The following ZNF461 variants were observed in gnomAD, a reference collection of about 807,000 sequenced individuals.
ZNF461 encodes gonadotropin-inducible ovarian transcription factor-1.
Under a neutral mutation model 18.3 loss-of-function variants are expected in ZNF461, and 16 were observed. That is an observed-to-expected ratio of 0.88 (90% CI 0.59 to 1.33). The LOEUF (loss-of-function observed/expected upper bound fraction) is 1.33. ZNF461 is among the 40% of genes most tolerant of loss of function. The pLI, the probability that ZNF461 is intolerant of heterozygous loss-of-function variation, is 0.00. For missense variants in ZNF461, 595 were observed against 669.9 expected (o/e 0.89, Z 1.23); for synonymous variants, 179 against 216.9 (o/e 0.83, Z 1.54).
intron 4 of ZNF461, among the ~76,000 whole-genome samples, chr19:36,651,958 C>T (rs1461582666): frequency 6.6e-6 from 1 of 152,064 alleles, no homozygotes; most frequent in East Asian, 1.9e-4. Context: ...TGAAAGGTGG[C>T]ACTAAAAGAG....
intron 2 of ZNF461, among the ~76,000 whole-genome samples, chr19:36,661,123 A>T (rs950967550): frequency 1.3e-5 from 2 of 152,096 alleles, no homozygotes; most frequent in African/African-American, 4.8e-5. Context: ...AAAAAAATTT[A>T]AAACATTAGC....
At chr19:36,640,094 A>G in intron 5 of ZNF461, 51 bp from the exon 6 acceptor site, 1 of 1,442,246 alleles carries the variant, frequency 6.9e-7, no homozygotes, top group East Asian at 2.3e-5. Context: ...TATAAGAGAA[A>G]TAAAATATCT....
intron 4 of ZNF461, among the ~76,000 whole-genome samples, chr19:36,651,251 A>G (rs537583897): frequency 1.6e-4 from 25 of 151,688 alleles, no homozygotes; most frequent in Non-Finnish European, 3.1e-4. Context: ...AAAAAAAAAA[A>G]AAAAAATTCC....
chr19:36,652,511 AAAAC>A, intron 4 of ZNF461, among the ~76,000 whole-genome samples: 1 of 151,394 alleles, frequency 6.6e-6, no homozygotes, highest in Non-Finnish European at 1.5e-5. Context: ...AAAAAAAAAA[AAAAC>A]AAAAACTATA....
At position 36,654,373 on chromosome 19, in the gene ZNF461, G is replaced by A. The variant is rs7260233; in HGVS notation, c.232+2075C>T. 9.6e-3 allele frequency among the ~76,000 whole-genome samples: 1,467 copies of A among 152,056 alleles called. 30 individuals are homozygous for A. The highest frequency in any genetic ancestry group is 0.033 in the African/African-American group (1,384 of 41,492). On this transcript the variant is annotated intron_variant, in intron 4 of 5. Transcript: ENST00000588268. ...TCTCACAGTTCTGTAGCACTTGATT[G>A]ATTGATTGATTGAGACAGGGTCTTG...
rs1450809801 is a variant in ZNF461, at chr19:36,656,562, A to C, written c.137-19T>G. On this transcript the variant is annotated intron_variant, in intron 3 of 5. Coordinates refer to ENST00000588268, the MANE Select transcript of ZNF461 (RefSeq NM_153257.5). ...GAAAGTCCTAGTTATAAGAAAAGAA[A>C]TTGAGATGAGATGGAAATGAATGTA... 1 of 1,585,812 alleles carries C rather than the reference A, an allele frequency of 6.3e-7. No individual in the cohort carries two copies. Among genetic ancestry groups the C allele is most frequent in the Non-Finnish European group, 8.7e-7 (1 of 1,154,730 alleles).
intron 2 of ZNF461, among the ~76,000 whole-genome samples, chr19:36,661,904 G>A (rs1001776562): frequency 3.3e-5 from 5 of 151,752 alleles, no homozygotes; most frequent in African/African-American, 9.7e-5. Context: ...GCGGAGTTTC[G>A]CTCTTTTGAG....
chr19:36,638,910 TA>T lies in ZNF461; in HGVS notation c.1434del (p.Phe478LeufsTer84). On this transcript the variant is annotated frameshift_variant, in exon 6 of 6. Coordinates refer to ENST00000588268, the MANE Select transcript of ZNF461 (RefSeq NM_153257.5). LOFTEE classifies it low-confidence loss of function (END_TRUNC). ...TGTTGAATAAGGTGTGAATGAAGTC[TA>T]AAGGCCTTACCACATATCATGCATT... ...PHECMICGKA[F>X]RLHSHLIQHQ... 1 of 1,606,720 alleles carries T rather than the reference TA, an allele frequency of 6.2e-7. No individual in the cohort carries two copies.
intron 4 of ZNF461, among the ~76,000 whole-genome samples, chr19:36,649,406 C>G (rs2037586807): frequency 6.6e-6 from 1 of 152,130 alleles, no homozygotes; most frequent in South Asian, 2.1e-4. Context: ...TCTTGGCTCA[C>G]TGCAACCTCT....
intron 4 of ZNF461, among the ~76,000 whole-genome samples, chr19:36,646,049 C>T (rs557515087): frequency 1.2e-3 from 186 of 152,234 alleles, no homozygotes; most frequent in Non-Finnish European, 2.1e-3. Context: ...TCCCAAAGTG[C>T]TGGGATTACA....
intron 2 of ZNF461, 78 bp from the exon 3 acceptor site, chr19:36,658,503 G>A: frequency 7.1e-7 from 1 of 1,400,158 alleles, no homozygotes. Flanking sequence ...GCTAAAAGAA[G>A]GTACTGCAAG....
chr19:36,658,865 CTATA>C (rs1011006240), intron 2 of ZNF461, among the ~76,000 whole-genome samples: 1 of 152,138 alleles, frequency 6.6e-6, no homozygotes, highest in Non-Finnish European at 1.5e-5. Context: ...CTGGTGCAGA[CTATA>C]TTTTCCATAG....
rs560133085 is a variant in ZNF461 at position 36,639,920 on chromosome 19, C to T, written c.425G>A (p.Ser142Asn). 7.4e-6 allele frequency: 12 copies of T among 1,613,884 alleles called. No homozygotes were observed. The South Asian group carries it at 9.9e-5, about 13-fold the overall frequency. ...ATGACAGTTGCCTTCCCAGATAGCG[C>T]TGAAAATTGATCTCTCAGGACTATG... ...KSHSPERSIF[S>N]AIWEGNCHFE... is the part of the protein sequence containing the mutation. The change falls in exon 6 of 6, where the codon AGC becomes AAC. Residue 142 changes from serine (S) to asparagine (N), a missense_variant. Ser to Asn is a conservative substitution (Grantham distance 46, BLOSUM62 1). Transcript: ENST00000588268.
intron 4 of ZNF461, among the ~76,000 whole-genome samples, chr19:36,652,108 C>T (rs1206938413): frequency 6.6e-6 from 1 of 151,620 alleles, no homozygotes; most frequent in African/African-American, 2.4e-5. Flanking sequence ...TATGGGCATC[C>T]ATAGAAAAAA....
In ZNF461 at chr19:36,638,473, C is replaced by A. The variant is rs749881726; in HGVS notation, c.*180G>T. Reference sequence around the variant, plus strand: ...AATTTATTCTCAATAATGGTTAATACAATAACTCAGAAACAGCATTAAAAT... The same window carrying A: ...AATTTATTCTCAATAATGGTTAATAAAATAACTCAGAAACAGCATTAAAAT... On this transcript the variant is annotated 3_prime_UTR_variant, in exon 6 of 6. Coordinates refer to ENST00000588268, the MANE Select transcript of ZNF461 (RefSeq NM_153257.5). 6 of 498,102 alleles carry A rather than the reference C, an allele frequency of 1.2e-5. No homozygotes were observed. Among genetic ancestry groups the A allele is most frequent in the Non-Finnish European group, 1.4e-5 (4 of 289,198 alleles). The allele number at this position is 498,102 out of a possible 1,614,324, so 30.9% of individuals were successfully genotyped here. A position where few individuals can be genotyped will look rare whatever the true frequency, so the allele number is the denominator to read the frequency against.
intron 1 of ZNF461, among the ~76,000 whole-genome samples, chr19:36,665,708 C>CAAA (rs750223990): frequency 0.014 from 1,067 of 77,648 alleles, 25 homozygotes; most frequent in African/African-American, 0.02. Flanking sequence ...AACTTCGTCT[C>CAAA]AAAAAAAAAA....
rs892384956 is a variant in ZNF461 at position 36,637,371 on chromosome 19, A to ATT, written c.*1280_*1281dup. 2 of 145,124 alleles carry ATT rather than the reference A, an allele frequency of 1.4e-5. No homozygotes were observed. Among genetic ancestry groups the ATT allele is most frequent in the South Asian group, 2.2e-4 (1 of 4,564 alleles). The allele number at this position is 145,124 out of a possible 1,614,324, so 9.0% of individuals were successfully genotyped here. A position where few individuals can be genotyped will look rare whatever the true frequency, so the allele number is the denominator to read the frequency against. ...ACCACCACGCCCAGCTAATTTTTGT[A>ATT]TTTTTTTTTTAGTAGAGACGGGGTT... On this transcript the variant is annotated 3_prime_UTR_variant, in exon 6 of 6. Coordinates refer to ENST00000588268, the MANE Select transcript of ZNF461 (RefSeq NM_153257.5).
In ZNF461 at chr19:36,639,267, T is replaced by A; in HGVS notation, c.1078A>T (p.Lys360Ter). 6.2e-7 allele frequency: 1 copy of A among 1,614,152 alleles called. No homozygotes were observed. The highest frequency in any genetic ancestry group is 1.1e-5 in the South Asian group (1 of 91,084). ...TGCCTAAAAGTCTTTCCACATTCTT[T>A]ACATTCATAAGGTTTCTCTCCAGTA... Reference protein sequence around the residue: ...LHTGEKPYECKECGKTFRHRS... With the variant: ...LHTGEKPYEC The change falls in exon 6 of 6, where the codon AAA (lysine) becomes TAA (stop). Residue 360 changes from lysine (K) to a stop codon, truncating the protein, a stop_gained. Transcript: ENST00000588268. LOFTEE classifies it low-confidence loss of function (END_TRUNC).
chr19:36,638,991 G>A lies in ZNF461; in HGVS notation c.1354C>T (p.Gln452Ter). The A allele has an allele frequency of 1.2e-6, 2 of 1,613,888 alleles. No homozygotes were observed. The highest frequency in any genetic ancestry group is 1.7e-6 in the Non-Finnish European group (2 of 1,179,964). ...ECKECGKTFR[Q>*]CSHLKRHQRI... is the part of the protein sequence containing the mutation. ...TGATGTCTTTTGAGGTGTGAACACT[G>A]TCTAAAAGTCTTCCCACATTCCTTA... The change falls in exon 6 of 6, where the codon CAG (glutamine) becomes TAG (stop). Residue 452 changes from glutamine (Q) to a stop codon, truncating the protein, a stop_gained. Coordinates refer to ENST00000588268, the MANE Select transcript of ZNF461 (RefSeq NM_153257.5). LOFTEE classifies it low-confidence loss of function (END_TRUNC).
Sources: gnomAD v4.1 joint callset for allele counts (sites outside exome capture counted in the v4.1 genomes callset) on GRCh38, gnomAD v4.1.1 for gene constraint, MANE v1.5 for transcripts, NCBI Gene and HGNC (gene_info 2026-07-23, HGNC 2026-07-21) for gene names.